Variants in PRR36 observed in about 807,000 individuals in gnomAD.
PRR36 encodes the protein proline-rich protein 36.
Under a neutral mutation model 58.6 loss-of-function variants are expected in PRR36, and 30 were observed. The observed-to-expected ratio is 0.51, with a 90% CI of 0.38 to 0.69. The LOEUF is 0.69. PRR36 is among the 30% of genes least tolerant of loss of function. The probability of loss-of-function intolerance (pLI) is 0.00; values close to 1 mark genes in which losing one functional copy is unlikely to be tolerated. For synonymous variants in PRR36, 771 were observed against 829.3 expected, an observed-to-expected ratio of 0.93 and a Z score of 1.21; for missense variants, 1,692 against 1,805.6, an observed-to-expected ratio of 0.94 and a Z score of 1.14.
Position 7,872,284 on chromosome 19 carries a change from G to A in PRR36, c.960C>T (p.Pro320=). The A allele has an allele frequency of 6.9e-7, 1 of 1,456,378 alleles. No homozygotes were observed. The allele number at this position is 1,456,378 out of a possible 1,614,324, so 90.2% of individuals were successfully genotyped here. A position where few individuals can be genotyped will look rare whatever the true frequency, so the allele number is the denominator to read the frequency against. Residue 320 remains proline (P), a synonymous_variant, in exon 5 of 6, where the codon CCC becomes CCT. Coordinates refer to ENST00000618550, the MANE Select transcript of PRR36 (RefSeq NM_001190467.2). The surrounding 1 kb of genome is among the most constrained non-coding windows in gnomAD (Gnocchi z 6.1). ...SGTKARPVPP[P]DNAATPLPAT... is the part of the protein sequence containing the mutation. Reference sequence around the variant, plus strand: ...CTGGCAGGGGAGTGGCTGCATTGTCGGGAGGCGGTACGGGTCTTGCCTTGG... The same window carrying A: ...CTGGCAGGGGAGTGGCTGCATTGTCAGGAGGCGGTACGGGTCTTGCCTTGG...
In PRR36 at chr19:7,871,071, G is replaced by A. The variant is rs1210242336; in HGVS notation, c.2173C>T (p.Pro725Ser). ...SSLAPPSLQT[P>S]PASLTTPPLE... ...GGGGGTGTGGTCAGGGAAGCAGGAGGTGTCTGCAGAGAGGGTGGGGCTAGG... is the reference window on the plus strand; with the variant it reads ...GGGGGTGTGGTCAGGGAAGCAGGAGATGTCTGCAGAGAGGGTGGGGCTAGG... The change falls in exon 5 of 6, where the codon CCT (proline) becomes TCT (serine). Residue 725 changes from proline to serine, a missense_variant. This residue lies in a region of PRR36 where 38 missense variants were observed against 100.7 expected (regional missense o/e 0.38). Transcript: ENST00000618550. 4 of 1,521,004 alleles carry A rather than the reference G, an allele frequency of 2.6e-6. No individual in the cohort carries two copies. The highest frequency in any genetic ancestry group is 1.2e-5 in the South Asian group (1 of 82,050). 94.2% of individuals were successfully genotyped at this position (1,521,004 alleles called of 1,614,324 possible). A position where few individuals can be genotyped will look rare whatever the true frequency, so the allele number is the denominator to read the frequency against.
chr19:7,869,884 G>C lies in PRR36; in HGVS notation c.3360C>G (p.Ala1120=). 3 of 1,337,080 alleles carry C rather than the reference G, an allele frequency of 2.2e-6. No homozygotes were observed. Among genetic ancestry groups the C allele is most frequent in the Non-Finnish European group, 2.9e-6 (3 of 1,050,370 alleles). The allele number at this position is 1,337,080 out of a possible 1,614,324, so 82.8% of individuals were successfully genotyped here. ...PSSTLSGPDL[A]GHSSSATSTP... is the part of the protein sequence containing the mutation. ...TGCTCGTGGCGCTGCTGCTGTGGCCGGCCAGGTCTGGGCCGCTCAGCGTGC... is the reference window on the plus strand; with the variant it reads ...TGCTCGTGGCGCTGCTGCTGTGGCCCGCCAGGTCTGGGCCGCTCAGCGTGC... Residue 1120 remains alanine, a synonymous_variant, in exon 5 of 6, where the codon GCC becomes GCG. Coordinates refer to ENST00000618550, the MANE Select transcript of PRR36 (RefSeq NM_001190467.2).
Position 7,871,820 on chromosome 19 carries a change from C to T in PRR36, c.1424G>A (p.Gly475Glu). The T allele has an allele frequency of 1.3e-6, 2 of 1,535,430 alleles. No individual in the cohort carries two copies. Among genetic ancestry groups the T allele is most frequent in the Admixed American group, 2.0e-5 (1 of 50,940 alleles). ...QGPVSPATSL[G>E]NSAFPLAALP... ...TGCGGCCAGGGGAAAAGCCGAATTC[C>T]CCAGAGATGTTGCCGGAGAAACAGG... The change falls in exon 5 of 6, where the codon GGG becomes GAG. Residue 475 changes from glycine to glutamate, a missense_variant. Coordinates refer to ENST00000618550, the MANE Select transcript of PRR36 (RefSeq NM_001190467.2).
Position 7,873,667 on chromosome 19 carries a change from G to T in PRR36, c.23C>A (p.Ala8Glu). Residue 8 changes from alanine to glutamate, a missense_variant, in exon 2 of 6, where the codon GCG becomes GAG. Around this residue, in one of 5 missense-constraint regions of PRR36, gnomAD observed 975 missense variants for 955.2 expected, o/e 1.02. Transcript: ENST00000618550. The surrounding 1 kb of genome is among the most constrained non-coding windows in gnomAD (Gnocchi z 5.0). MDNKRDK[A>E]KAGAAARTPA... Reference sequence around the variant, plus strand: ...CGTCCGCGCGGCGGCCCCTGCCTTCGCCTTGTCTCTCTTGTTGTCCATCTT... The same window carrying T: ...CGTCCGCGCGGCGGCCCCTGCCTTCTCCTTGTCTCTCTTGTTGTCCATCTT... The T allele has an allele frequency of 6.5e-7, 1 of 1,535,150 alleles. No individual in the cohort carries two copies. The highest frequency in any genetic ancestry group is 8.7e-7 in the Non-Finnish European group (1 of 1,146,684).
chr19:7,873,668 C>T lies in PRR36; in HGVS notation c.22G>A (p.Ala8Thr). 1.3e-6 allele frequency: 2 copies of T among 1,535,272 alleles called. No homozygotes were observed. The highest frequency in any genetic ancestry group is 1.2e-5 in the South Asian group (1 of 84,034). Reference sequence around the variant, plus strand: ...GTCCGCGCGGCGGCCCCTGCCTTCGCCTTGTCTCTCTTGTTGTCCATCTTG... The same window carrying T: ...GTCCGCGCGGCGGCCCCTGCCTTCGTCTTGTCTCTCTTGTTGTCCATCTTG... MDNKRDK[A>T]KAGAAARTPA... The change falls in exon 2 of 6, where the codon GCG becomes ACG. Residue 8 changes from alanine to threonine, a missense_variant. Transcript: ENST00000618550. The surrounding 1 kb of genome is among the most constrained non-coding windows in gnomAD (Gnocchi z 5.0).
In PRR36 at chr19:7,872,616, T is replaced by C; in HGVS notation, c.628A>G (p.Ser210Gly). 2.0e-6 allele frequency: 3 copies of C among 1,500,366 alleles called. No homozygotes were observed. The highest frequency in any genetic ancestry group is 2.7e-6 in the Non-Finnish European group (3 of 1,130,648). The allele number at this position is 1,500,366 out of a possible 1,614,324, so 92.9% of individuals were successfully genotyped here. A position where few individuals can be genotyped will look rare whatever the true frequency, so the allele number is the denominator to read the frequency against. ...GTGGTACTGTGCTCCGAGGCGCTGC[T>C]CACTGATTTCCGGGGGCCCTCTGTC... ...PPTEGPRKSVSSASEHSTTEP... is the reference protein window; with the variant it reads ...PPTEGPRKSVGSASEHSTTEP... Residue 210 changes from serine to glycine, a missense_variant, in exon 5 of 6, where the codon AGC becomes GGC. Transcript: ENST00000618550. The surrounding 1 kb of genome is among the most constrained non-coding windows in gnomAD (Gnocchi z 6.1).
chr19:7,871,377 G>C lies in PRR36; in HGVS notation c.1867C>G (p.Gln623Glu). Residue 623 changes from glutamine to glutamate, a missense_variant, in exon 5 of 6, where the codon CAG becomes GAG. Physicochemically the swap from Gln to Glu is conservative, Grantham distance 29 (BLOSUM62 2). Coordinates refer to ENST00000618550, the MANE Select transcript of PRR36 (RefSeq NM_001190467.2). ...ATTSLGSPTL[Q>E]ATHSFLTMSP... ...ATTGTCAGGAAAGAATGTGTGGCCT[G>C]CAGAGTGGGTGAGCCCAAAGAAGTT... 6.5e-7 allele frequency: 1 copy of C among 1,535,836 alleles called. No individual in the cohort carries two copies. Among genetic ancestry groups the C allele is most frequent in the Non-Finnish European group, 8.7e-7 (1 of 1,146,832 alleles).
rs1980260728 is a variant in PRR36, at chr19:7,869,373, G to A, written c.3701C>T (p.Ala1234Val). The change falls in exon 6 of 6, where the codon GCG becomes GTG. Residue 1234 changes from alanine (A) to valine (V), a missense_variant. Physicochemically the swap from Ala to Val is moderately conservative, Grantham distance 64. Around this residue, in one of 5 missense-constraint regions of PRR36, gnomAD observed 485 missense variants for 549.2 expected, o/e 0.88. Transcript: ENST00000618550. ...GKAAAGAGAG[A>V]SSRSPKQARL... The stretch of plus-strand genomic sequence containing the variant: ...CGCCTGCTTCGGGCTCCGCGAGGAC[G>A]CCCCGGCCCCGGCCCCAGCCGCCGC... 1 of 1,433,786 alleles carries A rather than the reference G, an allele frequency of 7.0e-7. No individual in the cohort carries two copies. The highest frequency in any genetic ancestry group is 9.1e-7 in the Non-Finnish European group (1 of 1,104,930). The allele number at this position is 1,433,786 out of a possible 1,614,324, so 88.8% of individuals were successfully genotyped here.
At position 7,869,234 on chromosome 19, in the gene PRR36, G is replaced by GC; in HGVS notation, c.3839dup (p.Gly1282ArgfsTer55). ...CGCCACCACCCTCCGCACCTCCTGGGCCCCCGCCGCTGCCGCCCGCGGCAC... is the reference window on the plus strand; with the variant it reads ...CGCCACCACCCTCCGCACCTCCTGGGCCCCCCGCCGCTGCCGCCCGCGGCAC... On this transcript the variant is annotated frameshift_variant, in exon 6 of 6. Transcript: ENST00000618550. LOFTEE classifies it high-confidence loss of function. 2.7e-6 allele frequency: 4 copies of GC among 1,486,796 alleles called. No individual in the cohort carries two copies. The highest frequency in any genetic ancestry group is 2.7e-6 in the Non-Finnish European group (3 of 1,126,392). 92.1% of individuals were successfully genotyped at this position (1,486,796 alleles called of 1,614,324 possible).
chr19:7,871,482 T>C lies in PRR36; in HGVS notation c.1762A>G (p.Ile588Val), dbSNP rs1327353140. ...APPSLQTIPPIQVPHSLTSPS... is the reference protein window; with the variant it reads ...APPSLQTIPPVQVPHSLTSPS... ...GAGGTCAGAGAATGTGGGACCTGTA[T>C]TGGGGGAATGGTCTGGAGAGAGGGC... Residue 588 changes from isoleucine to valine, a missense_variant, in exon 5 of 6, where the codon ATA (isoleucine) becomes GTA (valine). Physicochemically the swap from Ile to Val is conservative, Grantham distance 29. Transcript: ENST00000618550. 1.6e-5 allele frequency: 24 copies of C among 1,531,102 alleles called. No individual in the cohort carries two copies. The highest frequency in any genetic ancestry group is 2.4e-5 in the South Asian group (2 of 83,840). The allele number at this position is 1,531,102 out of a possible 1,614,324, so 94.8% of individuals were successfully genotyped here.
In PRR36 at chr19:7,872,090, G is replaced by T; in HGVS notation, c.1154C>A (p.Thr385Asn). ...GGGCGTGGCTGGTGGAGAGGGGAGG[G>T]TCTGCAGAGAAGGTGGAGCAGAGGG... ...PSPSAPPSLQ[T>N]LPSPPATPPS... is the part of the protein sequence containing the mutation. Residue 385 changes from threonine to asparagine, a missense_variant, in exon 5 of 6, where the codon ACC (threonine) becomes AAC (asparagine). Physicochemically the swap from Thr to Asn is moderately conservative, Grantham distance 65 (BLOSUM62 0). Transcript: ENST00000618550. The surrounding 1 kb of genome is among the most constrained non-coding windows in gnomAD (Gnocchi z 6.1). 1 of 1,534,242 alleles carries T rather than the reference G, an allele frequency of 6.5e-7. No homozygotes were observed. The highest frequency in any genetic ancestry group is 1.2e-5 in the South Asian group (1 of 83,848).
Position 7,871,326 on chromosome 19 carries a change from A to G in PRR36, c.1918T>C (p.Leu640=), listed in dbSNP as rs760481105. The part of the protein sequence containing the change: ...TMSPRQTQAS[L]ISPSRPASTP... ...GAGGCCGGCCGAGAAGGTGAGATCA[A>G]AGAAGCTTGGGTTTGCCTAGGGGAC... The change falls in exon 5 of 6, where the codon TTG becomes CTG. Residue 640 remains leucine (L), a synonymous_variant. Transcript: ENST00000618550. 109 of 1,526,412 alleles carry G rather than the reference A, an allele frequency of 7.1e-5. No homozygotes were observed. The Middle Eastern group carries it at 4.2e-3, about 59-fold the overall frequency. 94.6% of individuals were successfully genotyped at this position (1,526,412 alleles called of 1,614,324 possible).
At position 7,872,153 on chromosome 19, in the gene PRR36, CAGGTA is replaced by C; in HGVS notation, c.1086_1090del (p.Thr363SerfsTer76). On this transcript the variant is annotated frameshift_variant, in exon 5 of 6. Transcript: ENST00000618550. LOFTEE classifies it high-confidence loss of function. The surrounding 1 kb of genome is among the most constrained non-coding windows in gnomAD (Gnocchi z 6.1). ...TAGAGGAAGGGGCGTGGCCAACTGA[CAGGTA>C]AGGCTCGACGAGTGGGGCGTGGCCG... 6.8e-7 allele frequency: 1 copy of C among 1,464,510 alleles called. No homozygotes were observed. 90.7% of individuals were successfully genotyped at this position (1,464,510 alleles called of 1,614,324 possible).
At position 7,874,290 on chromosome 19, in the gene PRR36, G is replaced by C. The variant is rs1176058446; in HGVS notation, c.-12C>G. The C allele has an allele frequency of 6.6e-6, 1 of 152,006 alleles. No homozygotes were observed. The highest frequency in any genetic ancestry group is 1.5e-5 in the Non-Finnish European group (1 of 67,998). The allele number at this position is 152,006 out of a possible 1,614,324, so 9.4% of individuals were successfully genotyped here. On this transcript the variant is annotated 5_prime_UTR_variant, in exon 1 of 6. Transcript: ENST00000618550. This position sits in a 1 kb window ranked among gnomAD's most constrained non-coding sequence, Gnocchi z 6.0. ...ACCTGCTCGCGTCGCGCTCACCTCC[G>C]CCTCCGGCCTCCGGCCGCTCCTCAC...
rs1599589884 is a variant in PRR36 at position 7,871,795 on chromosome 19, T to C, written c.1449A>G (p.Ala483=). The change falls in exon 5 of 6, where the codon GCA becomes GCG. Residue 483 remains alanine, a synonymous_variant. Transcript: ENST00000618550. ...SLGNSAFPLA[A]LPQPGLSALT... is the part of the protein sequence containing the mutation. ...GAGCAGAAAGGCCTGGCTGAGGGAG[T>C]GCGGCCAGGGGAAAAGCCGAATTCC... The C allele has an allele frequency of 5.9e-6, 9 of 1,529,646 alleles. No individual in the cohort carries two copies. The South Asian group carries it at 7.2e-5, about 12-fold the overall frequency. The allele number at this position is 1,529,646 out of a possible 1,614,324, so 94.8% of individuals were successfully genotyped here.
At position 7,871,834 on chromosome 19, in the gene PRR36, C is replaced by G. The variant is rs1012708623; in HGVS notation, c.1410G>C (p.Pro470=). 2 of 1,535,610 alleles carry G rather than the reference C, an allele frequency of 1.3e-6. No homozygotes were observed. Among genetic ancestry groups the G allele is most frequent in the Non-Finnish European group, 8.7e-7 (1 of 1,146,814 alleles). ...AMSPLQGPVS[P]ATSLGNSAFP... is the part of the protein sequence containing the mutation. ...AAGCCGAATTCCCCAGAGATGTTGCCGGAGAAACAGGGCCTTGTAGAGGAG... is the reference window on the plus strand; with the variant it reads ...AAGCCGAATTCCCCAGAGATGTTGCGGGAGAAACAGGGCCTTGTAGAGGAG... Residue 470 remains proline, a synonymous_variant, in exon 5 of 6, where the codon CCG becomes CCC. Coordinates refer to ENST00000618550, the MANE Select transcript of PRR36 (RefSeq NM_001190467.2).
rs764754893 is a variant in PRR36 at position 7,872,151 on chromosome 19, GAC to G, written c.1091_1092del (p.Cys364SerfsTer76). On this transcript the variant is annotated frameshift_variant, in exon 5 of 6. Transcript: ENST00000618550. LOFTEE classifies it high-confidence loss of function. The surrounding 1 kb of genome is among the most constrained non-coding windows in gnomAD (Gnocchi z 6.1). ...PATPHSSSLT[C>X]QLATPLPLAP... ...GCTAGAGGAAGGGGCGTGGCCAACTGACAGGTAAGGCTCGACGAGTGGGGCGT... is the reference window on the plus strand; with the variant it reads ...GCTAGAGGAAGGGGCGTGGCCAACTGAGGTAAGGCTCGACGAGTGGGGCGT... The G allele has an allele frequency of 3.3e-6, 5 of 1,497,572 alleles. No individual in the cohort carries two copies. The highest frequency in any genetic ancestry group is 2.6e-5 in the South Asian group (2 of 77,226). 92.8% of individuals were successfully genotyped at this position (1,497,572 alleles called of 1,614,324 possible). A position where few individuals can be genotyped will look rare whatever the true frequency, so the allele number is the denominator to read the frequency against.
chr19:7,872,612 C>A lies in PRR36; in HGVS notation c.632G>T (p.Ser211Ile). ...CTCGGTGGTACTGTGCTCCGAGGCGCTGCTCACTGATTTCCGGGGGCCCTC... is the reference window on the plus strand; with the variant it reads ...CTCGGTGGTACTGTGCTCCGAGGCGATGCTCACTGATTTCCGGGGGCCCTC... ...PTEGPRKSVSSASEHSTTEPS... is the reference protein window; with the variant it reads ...PTEGPRKSVSIASEHSTTEPS... Residue 211 changes from serine (S) to isoleucine (I), a missense_variant, in exon 5 of 6, where the codon AGC (serine) becomes ATC (isoleucine). Ser to Ile is a moderately radical substitution (Grantham distance 142, BLOSUM62 -2). This residue lies in a region of PRR36 where 975 missense variants were observed against 955.2 expected (regional missense o/e 1.02). Transcript: ENST00000618550. The surrounding 1 kb of genome is among the most constrained non-coding windows in gnomAD (Gnocchi z 6.1). 6.6e-7 allele frequency: 1 copy of A among 1,504,876 alleles called. No homozygotes were observed. The highest frequency in any genetic ancestry group is 8.8e-7 in the Non-Finnish European group (1 of 1,132,814). 93.2% of individuals were successfully genotyped at this position (1,504,876 alleles called of 1,614,324 possible).
At position 7,869,451 on chromosome 19, in the gene PRR36, G is replaced by T; in HGVS notation, c.3623C>A (p.Pro1208His). 1 of 1,503,510 alleles carries T rather than the reference G, an allele frequency of 6.7e-7. No homozygotes were observed. Among genetic ancestry groups the T allele is most frequent in the Non-Finnish European group, 8.8e-7 (1 of 1,133,160 alleles). The allele number at this position is 1,503,510 out of a possible 1,614,324, so 93.1% of individuals were successfully genotyped here. The change falls in exon 6 of 6, where the codon CCC (proline) becomes CAC (histidine). Residue 1208 changes from proline (P) to histidine (H), a missense_variant. Pro to His is a moderately conservative substitution (Grantham distance 77). Transcript: ENST00000618550. The stretch of plus-strand genomic sequence containing the variant: ...CCCCGGATCCAGTGCGCCAGGGGCG[G>T]GGGTCGCCGACTCGGGCCCTTCAGT... ...YETEGPESAT[P>H]APGALDPGPS... is the part of the protein sequence containing the mutation.
Sources: gnomAD v4.1 joint callset for allele counts on GRCh38, gnomAD v4.1.1 for gene constraint, gnomAD v4.1.1 regional missense constraint, Gnocchi (gnomAD v3.1) non-coding constraint, MANE v1.5 for transcripts, NCBI Gene and HGNC (gene_info 2026-07-23, HGNC 2026-07-21) for gene names.